The following AKAP10 variants were observed in gnomAD, a reference collection of about 807,000 sequenced individuals.
AKAP10 encodes A-kinase anchoring protein 10.
AKAP10 carries 24 observed loss-of-function variants against 80.8 expected under a neutral mutation model. The ratio of observed to expected loss-of-function variants is 0.30; its 90% CI spans 0.22 to 0.42. The LOEUF (loss-of-function observed/expected upper bound fraction) is 0.42. Ranked by LOEUF, AKAP10 falls within the 10% of genes least tolerant of loss-of-function variation. The pLI is 1.00. For missense variants in AKAP10, 661 were observed against 794.9 expected (o/e 0.83, Z 2.03); for synonymous variants, 291 against 277.7 (o/e 1.05, Z -0.48).
At chr17:19,932,365 A>G (rs985010024) in intron 9 of AKAP10, among the ~76,000 whole-genome samples, 4 of 150,668 alleles carry the variant, frequency 2.7e-5, no homozygotes, top group African/African-American at 9.8e-5. Context: ...AGGCAGGAGA[A>G]TTGCTTGAAC....
rs1189205248 is a variant in AKAP10, at chr17:19,947,261, G to A, written c.976+146C>T. The A allele has an allele frequency of 3.2e-5, 21 of 660,526 alleles. 1 individual carries two copies. The highest frequency in any genetic ancestry group is 4.2e-4 in the Middle Eastern group (1 of 2,376). The allele number at this position is 660,526 out of a possible 1,614,324, so 40.9% of individuals were successfully genotyped here. ...AAACTTTTAAAGTGAGCTATAATCC[G>A]ATATAAAAAATACTCAGAAAACAAA... On this transcript the variant is annotated intron_variant, in intron 5 of 14. Coordinates refer to ENST00000225737, the MANE Select transcript of AKAP10 (RefSeq NM_007202.4).
intron 3 of AKAP10, among the ~76,000 whole-genome samples, chr17:19,962,265 T>C (rs2043359147): frequency 6.9e-6 from 1 of 143,924 alleles, no homozygotes; most frequent in South Asian, 2.2e-4. Flanking sequence ...GCCTTCAACA[T>C]ACATACATAC....
intron 3 of AKAP10, among the ~76,000 whole-genome samples, chr17:19,959,135 G>T (rs542002968): frequency 6.6e-6 from 1 of 151,934 alleles, no homozygotes; most frequent in South Asian, 2.1e-4. Flanking sequence ...TTGCAGGCGT[G>T]AGCCACTGCG....
At chr17:19,936,866 T>G (rs1242943629) in intron 8 of AKAP10, among the ~76,000 whole-genome samples, 2 of 152,026 alleles carry the variant, frequency 1.3e-5, no homozygotes, top group African/African-American at 4.8e-5. Context: ...TAAGAACACA[T>G]CATCATAACT....
intron 2 of AKAP10, 56 bp downstream of exon 2, chr17:19,968,358 A>C (rs1414890442): frequency 7.1e-7 from 1 of 1,412,162 alleles, no homozygotes; most frequent in Non-Finnish European, 9.9e-7. Context: ...TAAAGAACTC[A>C]CAAATGCAAA....
Position 19,931,921 on chromosome 17 carries a change from T to C in AKAP10, c.1525A>G (p.Ile509Val), listed in dbSNP as rs756843878. The change falls in exon 10 of 15, where the codon ATC becomes GTC. Residue 509 changes from isoleucine to valine, a missense_variant. Transcript: ENST00000225737. ...NLYYKYLNDL[I>V]HSVRGDEFLG... ...AATTCATCTCCTCGAACCGAATGGA[T>C]GAGATCATTCAAATATTTATAATAA... The C allele has an allele frequency of 1.9e-6, 3 of 1,613,284 alleles. No individual in the cohort carries two copies. The highest frequency in any genetic ancestry group is 3.3e-5 in the Admixed American group (2 of 59,980).
chr17:19,922,655 C>T (rs1420893220), intron 11 of AKAP10, among the ~76,000 whole-genome samples: 5 of 152,154 alleles, frequency 3.3e-5, no homozygotes, highest in Non-Finnish European at 7.4e-5. Context: ...AATAGCAACA[C>T]TTTGGGAAGC....
At chr17:19,909,576 T>C (rs2042667798) in intron 13 of AKAP10, among the ~76,000 whole-genome samples, 1 of 152,186 alleles carries the variant, frequency 6.6e-6, no homozygotes, top group Non-Finnish European at 1.5e-5. Context: ...AATTAACTAT[T>C]AAAAAAGCAA....
intron 14 of AKAP10, 88 bp downstream of exon 14, chr17:19,909,093 A>C (rs1393562119): frequency 8.7e-7 from 1 of 1,150,164 alleles, no homozygotes; most frequent in African/African-American, 1.6e-5. Flanking sequence ...TTAATCCTTC[A>C]AAGGCAAAGA....
rs769930651 is a variant in AKAP10 at position 19,947,517 on chromosome 17, G to T, written c.878-12C>A. Reference sequence around the variant, plus strand: ...ATCTTGTTCTATACCTGCAAGGGAAGAAGAGAACTTCAAAAACCAAAAAGC... The same window carrying T: ...ATCTTGTTCTATACCTGCAAGGGAATAAGAGAACTTCAAAAACCAAAAAGC... On this transcript the variant is annotated splice_polypyrimidine_tract_variant and intron_variant, in intron 4 of 14. Coordinates refer to ENST00000225737, the MANE Select transcript of AKAP10 (RefSeq NM_007202.4). The T allele has an allele frequency of 6.3e-7, 1 of 1,596,492 alleles. No homozygotes were observed. The highest frequency in any genetic ancestry group is 1.1e-5 in the South Asian group (1 of 90,432).
rs1302380098 is a variant in AKAP10 at position 19,962,890 on chromosome 17, G to A, written c.269C>T (p.Thr90Ile). The change falls in exon 3 of 15, where the codon ACA (threonine) becomes ATA (isoleucine). Residue 90 changes from threonine (T) to isoleucine (I), a missense_variant. By Grantham distance (89) the Thr-to-Ile change is moderately conservative. Coordinates refer to ENST00000225737, the MANE Select transcript of AKAP10 (RefSeq NM_007202.4). ...MDSFSSSRTA[T>I]LKKQPSHMEA... ...CATGTGGCTTGGCTGCTTCTTAAGT[G>A]TGGCTGTCCTGCTACTTGAAAAGGA... 6.2e-6 allele frequency: 10 copies of A among 1,614,024 alleles called. No homozygotes were observed. The highest frequency in any genetic ancestry group is 8.5e-6 in the Non-Finnish European group (10 of 1,180,004).
intron 12 of AKAP10, among the ~76,000 whole-genome samples, chr17:19,913,247 G>A (rs931173246): frequency 2.0e-5 from 3 of 147,952 alleles, no homozygotes; most frequent in Admixed American, 7.0e-5. Context: ...TCCGCCTCCC[G>A]GGTTCAAGGG....
intron 12 of AKAP10, among the ~76,000 whole-genome samples, chr17:19,918,934 A>T (rs547341281): frequency 7.2e-4 from 109 of 152,200 alleles, no homozygotes; most frequent in African/African-American, 1.6e-3. Flanking sequence ...TATTTTTTTT[A>T]AATTTATTAT....
Position 19,920,191 on chromosome 17 carries a change from A to G in AKAP10, c.1752-73T>C, listed in dbSNP as rs536235591. The stretch of plus-strand genomic sequence containing the variant: ...AATTTAGGAGAAAACAATCAATTTA[A>G]AGCGTTTCATCTAAATCTAGAAAGC... On this transcript the variant is annotated intron_variant, in intron 11 of 14. Coordinates refer to ENST00000225737, the MANE Select transcript of AKAP10 (RefSeq NM_007202.4). 17 of 1,163,330 alleles carry G rather than the reference A, an allele frequency of 1.5e-5. No individual in the cohort carries two copies. In the African/African-American group the frequency reaches 2.5e-4, roughly 17 times the overall value. The allele number at this position is 1,163,330 out of a possible 1,614,324, so 72.1% of individuals were successfully genotyped here.
rs2042625382 is a variant in AKAP10, at chr17:19,905,710, C to T, written c.*517G>A. On this transcript the variant is annotated 3_prime_UTR_variant, in exon 15 of 15. Transcript: ENST00000225737. ...AAGAAGACTGCATAATTAACTCTCACCCTGTTCCGCTGAAGCTGCTAGCAC... is the reference window on the plus strand; with the variant it reads ...AAGAAGACTGCATAATTAACTCTCATCCTGTTCCGCTGAAGCTGCTAGCAC... 1 of 153,068 alleles carries T rather than the reference C, an allele frequency of 6.5e-6. No individual in the cohort carries two copies. The highest frequency in any genetic ancestry group is 1.5e-5 in the Non-Finnish European group (1 of 68,472). 9.5% of individuals were successfully genotyped at this position (153,068 alleles called of 1,614,324 possible).
intron 2 of AKAP10, among the ~76,000 whole-genome samples, chr17:19,964,457 G>C (rs2043391487): frequency 6.6e-6 from 1 of 151,954 alleles, no homozygotes; most frequent in Admixed American, 6.6e-5. Flanking sequence ...TGCTTCTTTG[G>C]CTCCCCTTCT....
intron 1 of AKAP10, among the ~76,000 whole-genome samples, chr17:19,974,545 T>C (rs1050189113): frequency 1.2e-4 from 18 of 152,118 alleles, no homozygotes; most frequent in African/African-American, 3.9e-4. Context: ...GAACCTAAAG[T>C]TGGATATACC....
At chr17:19,962,341 T>A (rs1467443348) in intron 3 of AKAP10, among the ~76,000 whole-genome samples, 1 of 151,212 alleles carries the variant, frequency 6.6e-6, no homozygotes, top group Non-Finnish European at 1.5e-5. Context: ...CCTGCACATA[T>A]GAATGAGCAT....
intron 5 of AKAP10, among the ~76,000 whole-genome samples, chr17:19,942,680 T>C (rs1393510389): frequency 6.6e-6 from 1 of 152,196 alleles, no homozygotes; most frequent in African/African-American, 2.4e-5. Context: ...ACTGCTAAAA[T>C]AAACTGCAGC....
Sources: allele counts gnomAD v4.1 joint callset (sites outside exome capture counted in the v4.1 genomes callset), GRCh38; gene constraint gnomAD v4.1.1; transcripts MANE v1.5; gene names NCBI Gene and HGNC (gene_info 2026-07-23, HGNC 2026-07-21).